The following AVEN variants were observed in gnomAD, a reference collection of about 807,000 sequenced individuals.
AVEN encodes the protein cell death regulator Aven.
In AVEN, 41 loss-of-function variants were observed where a neutral mutation model predicts 38.1. The observed-to-expected ratio is 1.08, with a 90% CI of 0.84 to 1.40. AVEN has a LOEUF of 1.40. Ranked by LOEUF, AVEN falls within the 40% of genes most tolerant of loss-of-function variation. AVEN has a pLI of 0.00. For missense variants in AVEN, 605 were observed against 438.8 expected, an observed-to-expected ratio of 1.38 and a Z score of -3.38; for synonymous variants, 206 against 171.8, an observed-to-expected ratio of 1.20 and a Z score of -1.56.
intron 2 of AVEN, among the ~76,000 whole-genome samples, chr15:33,933,061 A>C (rs1339568227): frequency 6.6e-6 from 1 of 152,180 alleles, no homozygotes; most frequent in African/African-American, 2.4e-5. Flanking sequence ...CCATTCAAAA[A>C]TGTTTGAAAG....
At chr15:34,032,422 G>A (rs546477149) in intron 1 of AVEN, among the ~76,000 whole-genome samples, 11 of 152,204 alleles carry the variant, frequency 7.2e-5, no homozygotes, top group African/African-American at 2.4e-4. Flanking sequence ...ATTTATGAGC[G>A]AGCTATTTTC....
intron 5 of AVEN, among the ~76,000 whole-genome samples, chr15:34,051,879 C>A (rs1327413252): frequency 1.1e-4 from 16 of 150,468 alleles, no homozygotes; most frequent in East Asian, 5.8e-4. Context: ...AAAAAAAAAA[C>A]CCAGGACCAG....
In AVEN at chr15:33,867,612, G is replaced by T; in HGVS notation, c.856C>A (p.Leu286Ile). 6.2e-7 allele frequency: 1 copy of T among 1,614,174 alleles called. No homozygotes were observed. Among genetic ancestry groups the T allele is most frequent in the East Asian group, 2.2e-5 (1 of 44,882 alleles). The change falls in exon 5 of 6, where the codon CTA (leucine) becomes ATA (isoleucine). Residue 286 changes from leucine to isoleucine, a missense_variant. Transcript: ENST00000306730. ...QSAGDHLEEE[L>I]DLLLNLDAPI... ...GCATCTAAATTAAGCAACAGATCTA[G>T]TTCTTCTTCCAAATGGTCTCCTGCT... is the stretch of plus-strand genomic sequence containing the variant.
rs533081558 is a variant in AVEN, at chr15:34,038,801, C to A, written c.246G>T (p.Trp82Cys). 633 of 1,193,284 alleles carry A rather than the reference C, an allele frequency of 5.3e-4. 2 individuals carry two copies. The African/African-American group carries it at 9.6e-3, about 18-fold the overall frequency. The allele number at this position is 1,193,284 out of a possible 1,614,324, so 73.9% of individuals were successfully genotyped here. Reference sequence around the variant, plus strand: ...TTACCGGCGCGCTGGCCCCTGCGCCCCAGCCTCCCGGCTCCCGGCGGCTGC... The same window carrying A: ...TTACCGGCGCGCTGGCCCCTGCGCCACAGCCTCCCGGCTCCCGGCGGCTGC... ...PRGSRREPGG[W>C]GAGASAPVED... The change falls in exon 1 of 6, where the codon TGG (tryptophan) becomes TGT (cysteine). Residue 82 changes from tryptophan (W) to cysteine (C), a missense_variant. Physicochemically the swap from Trp to Cys is radical, Grantham distance 215 (BLOSUM62 -2). Coordinates refer to ENST00000306730, the MANE Select transcript of AVEN (RefSeq NM_020371.3).
At chr15:33,861,255 T>C, downstream of AVEN, 1 of 1,099,672 alleles carries the variant, frequency 9.1e-7, no homozygotes, top group East Asian at 2.7e-5. Context: ...GTTCAGTCTC[T>C]GCTGGAAAAA....
At chr15:33,942,447 T>TC (rs1416681542) in intron 2 of AVEN, among the ~76,000 whole-genome samples, 1 of 152,018 alleles carries the variant, frequency 6.6e-6, no homozygotes, top group East Asian at 1.9e-4. Flanking sequence ...AAGTTTTTTA[T>TC]CTTTTTTTTT....
intron 2 of AVEN, among the ~76,000 whole-genome samples, chr15:33,917,542 TC>T (rs895341967): frequency 7.5e-6 from 1 of 133,848 alleles, no homozygotes; most frequent in African/African-American, 2.7e-5. Flanking sequence ...TATATATATA[TC>T]AATCACACAT....
chr15:33,954,954 C>T (rs77402614), intron 2 of AVEN, among the ~76,000 whole-genome samples: 3,121 of 152,262 alleles, frequency 0.02, 41 homozygotes, highest in African/African-American at 0.038. Context: ...TACCAAATGG[C>T]TATCTTTCTA....
At chr15:34,007,192 T>C (rs935242262) in intron 1 of AVEN, 8 of 365,092 alleles carry the variant, frequency 2.2e-5, no homozygotes, top group Non-Finnish European at 3.0e-5. Flanking sequence ...TTAAAACAAA[T>C]TGAGATTTTC....
intron 2 of AVEN, among the ~76,000 whole-genome samples, chr15:33,978,022 G>A (rs1190401528): frequency 2.2e-5 from 3 of 138,646 alleles, no homozygotes; most frequent in South Asian, 2.7e-4. Flanking sequence ...GGGAGGGAGG[G>A]AGGGATGGAA....
At chr15:34,004,756 G>C (rs1317421536) in intron 1 of AVEN, among the ~76,000 whole-genome samples, 1 of 151,930 alleles carries the variant, frequency 6.6e-6, no homozygotes, top group Non-Finnish European at 1.5e-5. Flanking sequence ...CTGGATGATG[G>C]GTACATGGAA....
At chr15:34,074,515 G>A (rs1313288271) in exon 1 of AVEN, among the ~76,000 whole-genome samples, 1 of 152,080 alleles carries the variant, frequency 6.6e-6, no homozygotes, top group Non-Finnish European at 1.5e-5. Context: ...ACTGAGAAAG[G>A]ATCTGTTTCA....
rs569567954 is a variant in AVEN, at chr15:34,068,960, T to C, written n.784+1628A>G. On this transcript the variant is annotated intron_variant and non_coding_transcript_variant, in intron 2 of 11. Transcript: ENST00000675287. ...CCCAGTAGCTGGGACTACAGGCGCCTGCCACCACGCCCGGCTAATTTTTTG... is the reference window on the plus strand; with the variant it reads ...CCCAGTAGCTGGGACTACAGGCGCCCGCCACCACGCCCGGCTAATTTTTTG... Among the ~76,000 whole-genome samples the C allele has an allele frequency of 3.2e-3, 486 of 151,898 alleles. 1 individual carries two copies. The highest frequency in any genetic ancestry group is 7.5e-3 in the Admixed American group (114 of 15,282).
intron 5 of AVEN, chr15:34,062,868 G>A: frequency 1.2e-6 from 2 of 1,614,166 alleles, no homozygotes; most frequent in Non-Finnish European, 1.7e-6. Context: ...CAATGTCTTG[G>A]TCATGATCTC....
intron 2 of AVEN, among the ~76,000 whole-genome samples, chr15:33,933,524 C>CACACACACACACACACAGAGAGAG: frequency 2.1e-5 from 1 of 46,648 alleles, no homozygotes; most frequent in South Asian, 1.1e-3. Context: ...CACACACACA[C>CACACACACACACACACAGAGAGAG]AGAGAGAGAG....
chr15:33,961,629 C>T lies in AVEN; in HGVS notation c.445+41403G>A, dbSNP rs550742044. On this transcript the variant is annotated intron_variant, in intron 2 of 5. Coordinates refer to ENST00000306730, the MANE Select transcript of AVEN (RefSeq NM_020371.3). Reference sequence around the variant, plus strand: ...GAGATCGAGACCATTCTGGCTAACACGGTGAAACCCCGTCTCTACTAAAAA... The same window carrying T: ...GAGATCGAGACCATTCTGGCTAACATGGTGAAACCCCGTCTCTACTAAAAA... Among the ~76,000 whole-genome samples, 775 of 150,766 alleles carry T rather than the reference C, an allele frequency of 5.1e-3. 6 individuals carry two copies. Among genetic ancestry groups the T allele is most frequent in the Non-Finnish European group, 9.0e-3 (607 of 67,610 alleles).
upstream of AVEN, among the ~76,000 whole-genome samples, chr15:34,039,417 A>AG (rs1899367290): frequency 6.6e-6 from 1 of 151,866 alleles, no homozygotes; most frequent in Non-Finnish European, 1.5e-5. Context: ...CTCGGAAAAA[A>AG]AAAGTTTAAA....
chr15:34,026,520 T>A (rs2140739911), intron 1 of AVEN, among the ~76,000 whole-genome samples: 1 of 152,288 alleles, frequency 6.6e-6, no homozygotes, highest in Non-Finnish European at 1.5e-5. Flanking sequence ...CAGGAGGTAA[T>A]GTGTGTCAAT....
downstream of AVEN, chr15:33,857,816 T>C: frequency 6.2e-7 from 1 of 1,614,220 alleles, no homozygotes; most frequent in South Asian, 1.1e-5. Flanking sequence ...CGTGGTGGTT[T>C]ATCTCTATAC....
Sources: allele counts gnomAD v4.1 joint callset (sites outside exome capture counted in the v4.1 genomes callset), GRCh38; gene constraint gnomAD v4.1.1; transcripts MANE v1.5; gene names NCBI Gene and HGNC (gene_info 2026-07-23, HGNC 2026-07-21).